AFF2: variants seen among roughly 807,000 people sequenced by gnomAD.
The protein encoded by AFF2 is ALF transcription elongation factor 2.
Under a neutral mutation model 76.9 loss-of-function variants are expected in AFF2, and 14 were observed. The ratio of observed to expected loss-of-function variants is 0.18; its 90% CI spans 0.12 to 0.28. The LOEUF is 0.28. AFF2 is among the 10% of genes least tolerant of loss of function. The probability of loss-of-function intolerance (pLI) is 1.00; values close to 1 mark genes in which losing one functional copy is unlikely to be tolerated. For missense variants in AFF2, 868 were observed against 1,001.1 expected, an observed-to-expected ratio of 0.87 and a Z score of 1.79; for synonymous variants, 398 against 366.7, an observed-to-expected ratio of 1.09 and a Z score of -0.98.
chrX:148,637,571 G>A (rs1396454882), intron 1 of AFF2, among the ~76,000 whole-genome samples: 1 of 112,356 alleles, frequency 8.9e-6, no homozygotes, highest in Non-Finnish European at 1.9e-5. Flanking sequence ...AGCCACATAT[G>A]TGAGTTTGAA....
At chrX:148,768,657 A>G (rs945983940) in intron 3 of AFF2, among the ~76,000 whole-genome samples, 5 of 112,401 alleles carry the variant, frequency 4.4e-5, no homozygotes, top group African/African-American at 6.5e-5. Context: ...AGCTATTCCC[A>G]TAGCTATCAC....
At chrX:148,766,919 G>A (rs1394499898) in intron 3 of AFF2, among the ~76,000 whole-genome samples, 1 of 111,621 alleles carries the variant, frequency 9.0e-6, no homozygotes, top group African/African-American at 3.3e-5. Context: ...CTTGGTTGTA[G>A]TATCTTTCCT....
At chrX:148,918,163 A>T (rs1417002956) in intron 9 of AFF2, among the ~76,000 whole-genome samples, 1 of 112,282 alleles carries the variant, frequency 8.9e-6, no homozygotes, top group Admixed American at 9.4e-5. Flanking sequence ...CTTTCTGTTC[A>T]TTCAGGCAGC....
At chrX:148,838,463 A>G (rs1316533053) in intron 5 of AFF2, among the ~76,000 whole-genome samples, 1 of 112,077 alleles carries the variant, frequency 8.9e-6, no homozygotes, top group Non-Finnish European at 1.9e-5. Flanking sequence ...AAATGTCTTC[A>G]TAGAGAAGAC....
intron 1 of AFF2, among the ~76,000 whole-genome samples, chrX:148,552,337 A>G (rs2053004073): frequency 2.7e-5 from 3 of 111,825 alleles, no homozygotes; most frequent in Admixed American, 9.5e-5. Flanking sequence ...AGCCTTGCCC[A>G]GTGTGTGTCA....
chrX:148,868,351 T>C (rs1456068417), intron 7 of AFF2, among the ~76,000 whole-genome samples: 2 of 112,224 alleles, frequency 1.8e-5, no homozygotes, highest in Non-Finnish European at 3.8e-5. Flanking sequence ...TGACTTCTGT[T>C]GCCCTTGAAG....
intron 7 of AFF2, among the ~76,000 whole-genome samples, chrX:148,871,288 TGATAGGAGCCTG>T (rs781823299): frequency 2.5e-4 from 28 of 111,046 alleles, no homozygotes; most frequent in Non-Finnish European, 5.1e-4. Flanking sequence ...TACAGGGCCC[TGATAGGAGCCTG>T]GATACCTAAC....
chrX:148,667,893 A>G (rs2054376353), intron 3 of AFF2, among the ~76,000 whole-genome samples: 1 of 111,904 alleles, frequency 8.9e-6, no homozygotes, highest in Non-Finnish European at 1.9e-5. Context: ...TGCCTTCCCA[A>G]CAGTACCCCA....
Position 148,752,647 on chromosome X carries a change from G to T in AFF2, c.1042-57229G>T, listed in dbSNP as rs191044947. On this transcript the variant is annotated intron_variant, in intron 3 of 20. Coordinates refer to ENST00000370460, the MANE Select transcript of AFF2 (RefSeq NM_002025.4). ...TGATGTAAGAACATATCACTTTGGG[G>T]ACATTTGCTGTTTTTTAATTTAACC... Among the ~76,000 whole-genome samples, 240 of 111,883 alleles carry T rather than the reference G, an allele frequency of 2.1e-3. 1 individual carries two copies. Among genetic ancestry groups the T allele is most frequent in the African/African-American group, 7.3e-3 (224 of 30,844 alleles).
chrX:148,535,435 C>A (rs1392016271), intron 1 of AFF2, among the ~76,000 whole-genome samples: 1 of 110,753 alleles, frequency 9.0e-6, no homozygotes, highest in Admixed American at 9.6e-5. Flanking sequence ...TTGACTAAAT[C>A]TGTCCACCCT....
intron 13 of AFF2, among the ~76,000 whole-genome samples, chrX:148,963,957 A>T (rs782282027): frequency 6.2e-5 from 7 of 112,369 alleles, no homozygotes; most frequent in Non-Finnish European, 1.3e-4. Context: ...GGTTCTCAGC[A>T]CATTTATATC....
intron 3 of AFF2, among the ~76,000 whole-genome samples, chrX:148,695,877 G>T (rs1465810766): frequency 8.9e-6 from 1 of 111,978 alleles, no homozygotes; most frequent in Non-Finnish European, 1.9e-5. Flanking sequence ...TCAGCCAATA[G>T]ATTTTAACTA....
At chrX:148,693,666 C>A (rs2054680463) in intron 3 of AFF2, among the ~76,000 whole-genome samples, 1 of 111,609 alleles carries the variant, frequency 9.0e-6, no homozygotes, top group Non-Finnish European at 1.9e-5. Flanking sequence ...CTGGACTAAG[C>A]CACATAAGAA....
intron 7 of AFF2, among the ~76,000 whole-genome samples, chrX:148,858,449 C>G (rs2070810381): frequency 9.0e-6 from 1 of 111,460 alleles, no homozygotes; most frequent in Non-Finnish European, 1.9e-5. Flanking sequence ...GAAAATGATT[C>G]ACCATAGTTT....
rs143582770 is a variant in AFF2 at position 148,667,751 on chromosome X, T to C, written c.1041+4983T>C. ...CATGATTCAATTACTTCCTATTGGG[T>C]TCCTCCCACAGAGCATGGGAATTAT... On this transcript the variant is annotated intron_variant, in intron 3 of 20. Coordinates refer to ENST00000370460, the MANE Select transcript of AFF2 (RefSeq NM_002025.4). Among the ~76,000 whole-genome samples, 443 of 111,551 alleles carry C rather than the reference T, an allele frequency of 4.0e-3. 3 individuals carry two copies. The highest frequency in any genetic ancestry group is 0.013 in the African/African-American group (413 of 30,690).
chrX:148,863,587 A>G (rs1224276846), intron 7 of AFF2, among the ~76,000 whole-genome samples: 3 of 112,122 alleles, frequency 2.7e-5, no homozygotes, highest in Admixed American at 1.9e-4. Flanking sequence ...AGGGCATTTA[A>G]AGGAATACTA....
At chrX:148,909,374 G>A (rs1436742634) in intron 9 of AFF2, among the ~76,000 whole-genome samples, 2 of 111,773 alleles carry the variant, frequency 1.8e-5, no homozygotes, top group East Asian at 5.6e-4. Context: ...ATCTAACTAA[G>A]GCTAAATTAG....
intron 1 of AFF2, among the ~76,000 whole-genome samples, chrX:148,622,958 TGTGTTTG>T (rs782085724): frequency 6.1e-4 from 68 of 111,952 alleles, no homozygotes; most frequent in African/African-American, 2.1e-3. Context: ...AGGGACATTA[TGTGTTTG>T]CATCCTGGCA....
chrX:148,625,211 G>A (rs2053911852), intron 1 of AFF2, among the ~76,000 whole-genome samples: 2 of 110,972 alleles, frequency 1.8e-5, no homozygotes, highest in Admixed American at 9.7e-5. Flanking sequence ...CAGCAGCCAG[G>A]CCCTGTCAAT....
Sources: allele counts gnomAD v4.1 joint callset (sites outside exome capture counted in the v4.1 genomes callset), GRCh38; gene constraint gnomAD v4.1.1; transcripts MANE v1.5; gene names NCBI Gene and HGNC (gene_info 2026-07-23, HGNC 2026-07-21).